PIWIL2: variants seen among roughly 807,000 people sequenced by gnomAD.
PIWIL2 encodes the protein piwi-like protein 2.
PIWIL2 carries 81 observed loss-of-function variants against 116.5 expected under a neutral mutation model. That is an observed-to-expected ratio of 0.70 (90% CI 0.58 to 0.84). The LOEUF (loss-of-function observed/expected upper bound fraction) is 0.84. PIWIL2 is among the 40% of genes least tolerant of loss of function. The pLI is 0.00. For missense variants in PIWIL2, 1,272 were observed against 1,212.3 expected, an observed-to-expected ratio of 1.05 and a Z score of -0.73; for synonymous variants, 489 against 429.5, an observed-to-expected ratio of 1.14 and a Z score of -1.71.
At chr8:22,325,944 T>G (rs1563405018) in intron 20 of PIWIL2, among the ~76,000 whole-genome samples, 1 of 152,228 alleles carries the variant, frequency 6.6e-6, no homozygotes, top group Admixed American at 6.5e-5. Context: ...AGAGCCTTAC[T>G]GCTGGGGAAT....
At chr8:22,301,365 C>T (rs1013863187) in intron 10 of PIWIL2, among the ~76,000 whole-genome samples, 1 of 152,140 alleles carries the variant, frequency 6.6e-6, no homozygotes, top group Non-Finnish European at 1.5e-5. Flanking sequence ...GTGGCGCCAT[C>T]TCAGCTCACG....
intron 15 of PIWIL2, 100 bp from the exon 16 acceptor site, chr8:22,311,012 A>G (rs1179415073): frequency 3.0e-6 from 3 of 1,000,914 alleles, no homozygotes; most frequent in Admixed American, 2.3e-5. Flanking sequence ...GATTCAAGCA[A>G]TGAGAGTGAA....
rs775698558 is a variant in PIWIL2 at position 22,287,573 on chromosome 8, C to T, written c.789C>T (p.Asp263=). Residue 263 remains aspartate, a synonymous_variant, in exon 7 of 23, where the codon GAC becomes GAT. Transcript: ENST00000356766. Reference sequence around the variant, plus strand: ...GCATGAGGTTCGGCATGTTGAAGGACCATCAAGCTGTCACCGGCAACGTCA... The same window carrying T: ...GCATGAGGTTCGGCATGTTGAAGGATCATCAAGCTGTCACCGGCAACGTCA... The part of the protein sequence containing the change: ...CKSMRFGMLK[D]HQAVTGNVTA... The T allele has an allele frequency of 6.2e-7, 1 of 1,613,846 alleles. No individual in the cohort carries two copies. Among genetic ancestry groups the T allele is most frequent in the Non-Finnish European group, 8.5e-7 (1 of 1,179,730 alleles).
intron 14 of PIWIL2, among the ~76,000 whole-genome samples, chr8:22,309,382 CCAG>C (rs1831269690): frequency 6.6e-6 from 1 of 151,930 alleles, no homozygotes; most frequent in Non-Finnish European, 1.5e-5. Context: ...GCCCTGTCAC[CCAG>C]GCTGGAGTGC....
chr8:22,316,428 A>T, intron 19 of PIWIL2, 95 bp downstream of exon 19: 1 of 789,696 alleles, frequency 1.3e-6, no homozygotes, highest in East Asian at 2.6e-5. Flanking sequence ...ATTATGTATT[A>T]CAATATAAAG....
chr8:22,304,244 G>T (rs762044697), intron 11 of PIWIL2, 35 bp downstream of exon 11: 3 of 1,479,482 alleles, frequency 2.0e-6, no homozygotes, highest in African/African-American at 2.8e-5. Context: ...GCCTCAGGGT[G>T]GGGGTTGGAT....
At chr8:22,316,422 T>C (rs1235997548) in intron 19 of PIWIL2, 89 bp downstream of exon 19, 1 of 810,756 alleles carries the variant, frequency 1.2e-6, no homozygotes, top group Non-Finnish European at 2.1e-6. Context: ...TTTAGCATTA[T>C]GTATTACAAT....
chr8:22,308,013 C>G lies in PIWIL2; in HGVS notation c.1626C>G (p.Asn542Lys), dbSNP rs146300730. ...LECLLQRIAK[N>K]EAATNELMRW... ...GCTTGCTGCAAAGAATTGCAAAGAA[C>G]GAGGCAGCCACCAATGAACTGATGC... The change falls in exon 14 of 23, where the codon AAC becomes AAG. Residue 542 changes from asparagine to lysine, a missense_variant. Transcript: ENST00000356766. 2 of 1,613,866 alleles carry G rather than the reference C, an allele frequency of 1.2e-6. No homozygotes were observed. Among genetic ancestry groups the G allele is most frequent in the South Asian group, 1.1e-5 (1 of 91,024 alleles).
Position 22,283,180 on chromosome 8 carries a change from C to G in PIWIL2, c.572C>G (p.Pro191Arg), listed in dbSNP as rs1455688599. 4 of 1,613,994 alleles carry G rather than the reference C, an allele frequency of 2.5e-6. No homozygotes were observed. Among genetic ancestry groups the G allele is most frequent in the Non-Finnish European group, 3.4e-6 (4 of 1,180,008 alleles). ...CAGCTGTCATCACCACCAGCTCTGCCCCAGTCTCCCCTGCACTCTCCAGAT... is the reference window on the plus strand; with the variant it reads ...CAGCTGTCATCACCACCAGCTCTGCGCCAGTCTCCCCTGCACTCTCCAGAT... ...PPQLSSPPAL[P>R]QSPLHSPDRP... The change falls in exon 5 of 23, where the codon CCC becomes CGC. Residue 191 changes from proline (P) to arginine (R), a missense_variant. By Grantham distance (103) the Pro-to-Arg change is moderately radical. Transcript: ENST00000356766.
At chr8:22,350,494 G>A (rs1832329129) in intron 20 of PIWIL2, among the ~76,000 whole-genome samples, 1 of 152,070 alleles carries the variant, frequency 6.6e-6, no homozygotes, top group African/African-American at 2.4e-5. Flanking sequence ...TACTCAGGAG[G>A]CTGAGTCAGG....
chr8:22,281,918 T>C (rs968887932), intron 4 of PIWIL2, among the ~76,000 whole-genome samples: 1 of 150,704 alleles, frequency 6.6e-6, no homozygotes, highest in African/African-American at 2.4e-5. Flanking sequence ...ACTACAGGCA[T>C]GTGGCACCAT....
chr8:22,327,024 C>CTTTTTT (rs71544876), intron 20 of PIWIL2, among the ~76,000 whole-genome samples: 5 of 105,468 alleles, frequency 4.7e-5, no homozygotes, highest in Admixed American at 1.2e-4. Context: ...TGTTTTTTTA[C>CTTTTTT]TTTTTTTTTT....
At position 22,316,303 on chromosome 8, in the gene PIWIL2, C is replaced by CTA; in HGVS notation, c.2267_2268insTA (p.Val757ThrfsTer33). On this transcript the variant is annotated frameshift_variant, in exon 19 of 23. Coordinates refer to ENST00000356766, the MANE Select transcript of PIWIL2 (RefSeq NM_018068.5). LOFTEE classifies it high-confidence loss of function. ...CATGACCCCAGTAGAGGCATGCGCT[C>CTA]CGTGGTTGGCTTCGTGGCAAGCATC... 1 of 1,612,400 alleles carries CTA rather than the reference C, an allele frequency of 6.2e-7. No homozygotes were observed. The highest frequency in any genetic ancestry group is 8.5e-7 in the Non-Finnish European group (1 of 1,178,538).
At chr8:22,345,596 A>G (rs1481094102) in intron 20 of PIWIL2, among the ~76,000 whole-genome samples, 1 of 152,090 alleles carries the variant, frequency 6.6e-6, no homozygotes, top group African/African-American at 2.4e-5. Context: ...CCCAGGAGGC[A>G]GAGGTGGCAG....
intron 20 of PIWIL2, among the ~76,000 whole-genome samples, chr8:22,338,067 G>A (rs764290605): frequency 6.6e-6 from 1 of 151,780 alleles, no homozygotes. Context: ...GCTACAGCCT[G>A]TGTGACAAGA....
rs1832471814 is a variant in PIWIL2 at position 22,355,583 on chromosome 8, G to A, written c.*78G>A. On this transcript the variant is annotated 3_prime_UTR_variant, in exon 23 of 23. Coordinates refer to ENST00000356766, the MANE Select transcript of PIWIL2 (RefSeq NM_018068.5). ...CTGTGACTCTTGCAGAATCAACAGA[G>A]ACTGAAGTGGGCTTTTGTGTTATAA... is the stretch of plus-strand genomic sequence containing the variant. 3.9e-6 allele frequency: 5 copies of A among 1,277,162 alleles called. No individual in the cohort carries two copies. The highest frequency in any genetic ancestry group is 5.6e-6 in the Non-Finnish European group (5 of 900,320). The allele number at this position is 1,277,162 out of a possible 1,614,324, so 79.1% of individuals were successfully genotyped here.
chr8:22,309,439 G>A (rs1194126250), intron 14 of PIWIL2, among the ~76,000 whole-genome samples: 1 of 152,070 alleles, frequency 6.6e-6, no homozygotes, highest in Non-Finnish European at 1.5e-5. Flanking sequence ...CCGGATTCAA[G>A]TAAATCTCCT....
chr8:22,283,232 C>G lies in PIWIL2; in HGVS notation c.624C>G (p.His208Gln), dbSNP rs756497151. The part of the protein sequence containing the change: ...PDRPLVLTVE[H>Q]KEKELIVKQG... Reference sequence around the variant, plus strand: ...GCCCTCTGGTCCTGACTGTGGAACACAAGGAAAAGTAAGTCAGGAGCACTG... The same window carrying G: ...GCCCTCTGGTCCTGACTGTGGAACAGAAGGAAAAGTAAGTCAGGAGCACTG... The change falls in exon 5 of 23, where the codon CAC (histidine) becomes CAG (glutamine). Residue 208 changes from histidine (H) to glutamine (Q), a missense_variant. His to Gln is a conservative substitution (Grantham distance 24). Transcript: ENST00000356766. 5.0e-6 allele frequency: 8 copies of G among 1,612,942 alleles called. 1 individual carries two copies. The South Asian group carries it at 8.8e-5, about 18-fold the overall frequency.
intron 20 of PIWIL2, among the ~76,000 whole-genome samples, chr8:22,335,226 A>T (rs1387884862): frequency 6.6e-6 from 1 of 152,208 alleles, no homozygotes; most frequent in Non-Finnish European, 1.5e-5. Context: ...GGGATAGAAG[A>T]ACAAATAGCA....
Sources: allele counts gnomAD v4.1 joint callset (sites outside exome capture counted in the v4.1 genomes callset), GRCh38; gene constraint gnomAD v4.1.1; transcripts MANE v1.5; gene names NCBI Gene and HGNC (gene_info 2026-07-23, HGNC 2026-07-21).